The following STAB2 variants were observed in gnomAD, a reference collection of about 807,000 sequenced individuals.
The protein encoded by STAB2 is stabilin-2.
Under a neutral mutation model 338.1 loss-of-function variants are expected in STAB2, and 288 were observed. The ratio of observed to expected loss-of-function variants is 0.85; its 90% confidence interval spans 0.77 to 0.94. The LOEUF is 0.94. Among genes scored for constraint, STAB2 ranks in the 40% least tolerant of loss-of-function variants. The pLI is 0.00. For missense variants in STAB2, 3,141 were observed against 3,210.1 expected (o/e 0.98, Z 0.52); for synonymous variants, 1,202 against 1,193.3 (o/e 1.01, Z -0.15).
At position 103,648,020 on chromosome 12, in the gene STAB2, A is replaced by G. The variant is rs142481667; in HGVS notation, c.1041-670A>G. Among the ~76,000 whole-genome samples the G allele has an allele frequency of 5.4e-3, 818 of 152,354 alleles. 7 individuals are homozygous for G. Among genetic ancestry groups the G allele is most frequent in the African/African-American group, 0.019 (775 of 41,576 alleles). On this transcript the variant is annotated intron_variant, in intron 9 of 68. Coordinates refer to ENST00000388887, the MANE Select transcript of STAB2 (RefSeq NM_017564.10). The stretch of plus-strand genomic sequence containing the variant: ...TTCACAACAGTGAACAAATACACAC[A>G]TAGCCCTTACCCTCACTCTTTTCTC...
chr12:103,766,233 C>G (rs1884952419), intron 68 of STAB2, 53 bp from the exon 69 acceptor site: 3 of 1,610,868 alleles, frequency 1.9e-6, no homozygotes, highest in Non-Finnish European at 1.7e-6. Flanking sequence ...AAAGATTCAA[C>G]TAGGACTCAA....
At chr12:103,601,996 TA>T (rs1167967801) in intron 3 of STAB2, among the ~76,000 whole-genome samples, 2 of 152,168 alleles carry the variant, frequency 1.3e-5, no homozygotes, top group Non-Finnish European at 2.9e-5. Flanking sequence ...TTGCATACAG[TA>T]AAACTCAACC....
At position 103,655,307 on chromosome 12, in the gene STAB2, G is replaced by C; in HGVS notation, c.1608G>C (p.Glu536Asp). 1 of 1,612,340 alleles carries C rather than the reference G, an allele frequency of 6.2e-7. No homozygotes were observed. The highest frequency in any genetic ancestry group is 8.5e-7 in the Non-Finnish European group (1 of 1,179,474). The change falls in exon 14 of 69, where the codon GAG becomes GAC. Residue 536 changes from glutamate to aspartate, a missense_variant and splice_region_variant. Coordinates refer to ENST00000388887, the MANE Select transcript of STAB2 (RefSeq NM_017564.10). ...PRYSKFRSLL[E>D]ETNLGHALDE... ...ACAGCAAGTTCAGATCTTTGTTAGA[G>C]GTAAGCACTTTTCATAATTTTCTGA... is the stretch of plus-strand genomic sequence containing the variant.
intron 40 of STAB2, among the ~76,000 whole-genome samples, chr12:103,711,757 C>G (rs1879881891): frequency 6.6e-6 from 1 of 152,198 alleles, no homozygotes; most frequent in African/African-American, 2.4e-5. Flanking sequence ...CCCACTGTTA[C>G]CCCAGTCCAA....
At chr12:103,676,349 G>A (rs1223805078) in intron 24 of STAB2, among the ~76,000 whole-genome samples, 3 of 151,014 alleles carry the variant, frequency 2.0e-5, no homozygotes, top group Non-Finnish European at 4.4e-5. Flanking sequence ...AAGCCACCGC[G>A]CCCAGCCCTG....
At position 103,688,189 on chromosome 12, in the gene STAB2, G is replaced by A; in HGVS notation, c.3019G>A (p.Ala1007Thr). ...TAAGGAATTGTCATTTCTCTCCGAA[G>A]CAGCTATATTTAACCGATGGATAAA... is the stretch of plus-strand genomic sequence containing the variant. Reference protein sequence around the residue: ...AAVELSFLSEAAIFNRWINNA... With the variant: ...AAVELSFLSETAIFNRWINNA... Residue 1007 changes from alanine (A) to threonine (T), a missense_variant, in exon 28 of 69, where the codon GCA becomes ACA. Physicochemically the swap from Ala to Thr is moderately conservative, Grantham distance 58. Transcript: ENST00000388887. 8 of 1,613,900 alleles carry A rather than the reference G, an allele frequency of 5.0e-6. No homozygotes were observed. The highest frequency in any genetic ancestry group is 5.9e-6 in the Non-Finnish European group (7 of 1,179,828).
intron 47 of STAB2, 126 bp from the exon 48 acceptor site, chr12:103,728,723 C>T: frequency 8.2e-7 from 1 of 1,226,272 alleles, no homozygotes; most frequent in Non-Finnish European, 1.2e-6. Flanking sequence ...GACCACAAAG[C>T]TTACTTCCCA....
At chr12:103,653,925 G>A (rs538688114) in intron 12 of STAB2, among the ~76,000 whole-genome samples, 7 of 151,560 alleles carry the variant, frequency 4.6e-5, no homozygotes, top group African/African-American at 7.3e-5. Context: ...ATGGATGGAC[G>A]GATGGAGAGA....
At chr12:103,731,821 C>T (rs1307002292) in intron 50 of STAB2, among the ~76,000 whole-genome samples, 186 bp downstream of exon 50, 2 of 152,116 alleles carry the variant, frequency 1.3e-5, no homozygotes, top group Non-Finnish European at 2.9e-5. Context: ...TGTTATATGG[C>T]TTGTTGAGCT....
intron 3 of STAB2, among the ~76,000 whole-genome samples, chr12:103,620,163 A>T (rs1957275929): frequency 6.6e-6 from 1 of 152,224 alleles, no homozygotes; most frequent in Non-Finnish European, 1.5e-5. Context: ...TCTGCTAACC[A>T]GCACCAATAG....
intron 35 of STAB2, among the ~76,000 whole-genome samples, chr12:103,704,246 G>C (rs1879145915): frequency 6.6e-6 from 1 of 152,340 alleles, no homozygotes; most frequent in South Asian, 2.1e-4. Context: ...TAACTTGTGA[G>C]TTTCTGAATC....
chr12:103,761,529 C>T, intron 66 of STAB2, 119 bp downstream of exon 66: 1 of 854,836 alleles, frequency 1.2e-6, no homozygotes, highest in Non-Finnish European at 1.8e-6. Context: ...CTGGAGGAGC[C>T]TCCAGCCTCC....
intron 31 of STAB2, among the ~76,000 whole-genome samples, chr12:103,693,372 G>C (rs1015704878): frequency 1.3e-5 from 2 of 152,014 alleles, no homozygotes; most frequent in South Asian, 4.1e-4. Flanking sequence ...AGGAGGTCAA[G>C]ACTGCAATGA....
chr12:103,755,839 C>T, intron 63 of STAB2, 121 bp downstream of exon 63: 1 of 879,902 alleles, frequency 1.1e-6, no homozygotes, highest in East Asian at 2.5e-5. Context: ...GGTGCTGGAC[C>T]ACCTTGCCTG....
In STAB2 at chr12:103,662,947, T is replaced by C. The variant is rs1303925486; in HGVS notation, c.1971T>C (p.Ile657=). ...TLTGVLIPPS[I]VPILPHRCDE... The stretch of plus-strand genomic sequence containing the variant: ...CAGGAGTTCTCATTCCTCCCTCCAT[T>C]GTCCCGATTCTGCCCCATCGATGTG... Residue 657 remains isoleucine, a synonymous_variant, in exon 18 of 69, where the codon ATT becomes ATC. Transcript: ENST00000388887. 7 of 1,614,018 alleles carry C rather than the reference T, an allele frequency of 4.3e-6. No homozygotes were observed. Among genetic ancestry groups the C allele is most frequent in the Middle Eastern group, 1.6e-4 (1 of 6,084 alleles).
rs777590451 is a variant in STAB2, at chr12:103,669,561, C to T, written c.2193C>T (p.Gly731=). ...ATVKIPKCCK[G]FYGPDCNQCP... is the part of the protein sequence containing the mutation. Reference sequence around the variant, plus strand: ...TTCAGATTCCAAAGTGCTGCAAAGGCTTCTATGGACCTGACTGCAACCAGT... The same window carrying T: ...TTCAGATTCCAAAGTGCTGCAAAGGTTTCTATGGACCTGACTGCAACCAGT... The change falls in exon 21 of 69, where the codon GGC becomes GGT. Residue 731 remains glycine, a synonymous_variant. Coordinates refer to ENST00000388887, the MANE Select transcript of STAB2 (RefSeq NM_017564.10). 2 of 1,614,176 alleles carry T rather than the reference C, an allele frequency of 1.2e-6. No homozygotes were observed. The highest frequency in any genetic ancestry group is 1.7e-6 in the Non-Finnish European group (2 of 1,180,018).
At chr12:103,642,825 C>G (rs1027725703) in intron 9 of STAB2, among the ~76,000 whole-genome samples, 4 of 152,214 alleles carry the variant, frequency 2.6e-5, no homozygotes, top group African/African-American at 9.7e-5. Flanking sequence ...AAACCAGCTT[C>G]CAGGGCCTGA....
chr12:103,622,437 G>A (rs703613), intron 5 of STAB2, among the ~76,000 whole-genome samples: 147,042 of 152,320 alleles, frequency 0.97, 71,076 homozygotes, highest in African/African-American at 0.99. Context: ...ATTTGAACAC[G>A]GTTTGAACAC....
At chr12:103,712,310 A>G in intron 40 of STAB2, 57 bp from the exon 41 acceptor site, 1 of 1,319,580 alleles carries the variant, frequency 7.6e-7, no homozygotes, top group Non-Finnish European at 1.1e-6. Flanking sequence ...TTTGTGAGTC[A>G]TGTGGTGGGA....
Sources: gnomAD v4.1 joint callset for allele counts (sites outside exome capture counted in the v4.1 genomes callset) on GRCh38, gnomAD v4.1.1 for gene constraint, MANE v1.5 for transcripts, NCBI Gene and HGNC (gene_info 2026-07-23, HGNC 2026-07-21) for gene names.